The following TTC6 variants were observed in gnomAD, a reference collection of about 807,000 sequenced individuals.
The protein encoded by TTC6 is tetratricopeptide repeat protein 6.
A neutral mutation model predicts 210.4 loss-of-function variants in TTC6; 172 were observed. The observed-to-expected ratio is 0.82, with a 90% CI of 0.72 to 0.93. TTC6 has a LOEUF of 0.93. TTC6 is among the 40% of genes least tolerant of loss of function. The probability of loss-of-function intolerance (pLI) is 0.00; values close to 1 mark genes in which losing one functional copy is unlikely to be tolerated. For missense variants in TTC6, 2,414 were observed against 2,318.1 expected (o/e 1.04, Z -0.85); for synonymous variants, 804 against 819.6 (o/e 0.98, Z 0.32).
intron 17 of TTC6, among the ~76,000 whole-genome samples, chr14:37,793,340 T>C (rs2096084822): frequency 6.6e-6 from 1 of 152,196 alleles, no homozygotes; most frequent in African/African-American, 2.4e-5. Flanking sequence ...TAGGCTATAC[T>C]GAGGTAAAAA....
intron 23 of TTC6, among the ~76,000 whole-genome samples, chr14:37,808,382 TG>T (rs1459721015): frequency 6.6e-6 from 1 of 152,196 alleles, no homozygotes; most frequent in African/African-American, 2.4e-5. Context: ...AAGCAAGCAC[TG>T]GTGAATGTTT....
chr14:37,745,730 G>A (rs889049606), intron 10 of TTC6, among the ~76,000 whole-genome samples: 1 of 152,158 alleles, frequency 6.6e-6, no homozygotes, highest in Non-Finnish European at 1.5e-5. Flanking sequence ...TAAGGTCAGA[G>A]CCAGTATGTA....
At chr14:37,607,959 A>G (rs534075413) in intron 2 of TTC6, among the ~76,000 whole-genome samples, 2 of 152,298 alleles carry the variant, frequency 1.3e-5, no homozygotes, top group South Asian at 2.1e-4. Context: ...CTAACTTTGT[A>G]ATTTGATTGA....
At chr14:37,668,307 T>G (rs908308709) in intron 1 of TTC6, among the ~76,000 whole-genome samples, 1 of 150,594 alleles carries the variant, frequency 6.6e-6, no homozygotes, top group African/African-American at 2.4e-5. Context: ...TAACAAACTC[T>G]CAAAACTAAG....
At chr14:37,690,998 A>G (rs2095802559) in intron 3 of TTC6, among the ~76,000 whole-genome samples, 1 of 152,156 alleles carries the variant, frequency 6.6e-6, no homozygotes, top group South Asian at 2.1e-4. Context: ...AAACATTAAA[A>G]AAACCCCACC....
At chr14:37,713,587 A>C (rs2095848005) in intron 5 of TTC6, among the ~76,000 whole-genome samples, 1 of 152,198 alleles carries the variant, frequency 6.6e-6, no homozygotes, top group Non-Finnish European at 1.5e-5. Flanking sequence ...GCACATTAGA[A>C]GGAGGATGGA....
chr14:37,784,750 T>G (rs146938045), intron 14 of TTC6, among the ~76,000 whole-genome samples: 2,604 of 152,316 alleles, frequency 0.017, 71 homozygotes, highest in African/African-American at 0.054. Context: ...GTTTTTGCAG[T>G]GGCTGGTACT....
chr14:37,825,827 C>T (rs1819177409), intron 27 of TTC6, among the ~76,000 whole-genome samples: 1 of 151,958 alleles, frequency 6.6e-6, no homozygotes, highest in Non-Finnish European at 1.5e-5. Flanking sequence ...TCAGTGCGAA[C>T]CAAATAAATA....
At chr14:37,749,719 A>G (rs2139023736) in exon 12 of TTC6, 1 of 1,401,490 alleles carries the variant, frequency 7.1e-7, no homozygotes, top group Non-Finnish European at 9.2e-7. Context: ...TCTAGGTAAT[A>G]CTCTTGGAAC....
At chr14:37,840,183 A>AAAC in intron 29 of TTC6, among the ~76,000 whole-genome samples, 1 of 152,360 alleles carries the variant, frequency 6.6e-6, no homozygotes, top group East Asian at 1.9e-4. Flanking sequence ...ACAGAAATAC[A>AAAC]AACTACCATC....
intron 3 of TTC6, among the ~76,000 whole-genome samples, chr14:37,684,509 T>C (rs2095790298): frequency 6.6e-6 from 1 of 152,048 alleles, no homozygotes; most frequent in Non-Finnish European, 1.5e-5. Context: ...TTGATCAGAG[T>C]GACTTGGTGA....
chr14:37,832,191 CT>C (rs2096186911), intron 29 of TTC6, among the ~76,000 whole-genome samples: 1 of 151,494 alleles, frequency 6.6e-6, no homozygotes, highest in Non-Finnish European at 1.5e-5. Context: ...TTATTTGGGT[CT>C]TTTCTCTCAT....
intron 1 of TTC6, among the ~76,000 whole-genome samples, chr14:37,669,513 C>A (rs1481787371): frequency 6.6e-6 from 1 of 152,126 alleles, no homozygotes; most frequent in Admixed American, 6.6e-5. Context: ...ATATAATATT[C>A]CCCTTCCTTG....
chr14:37,734,837 T>C (rs1482330487), intron 7 of TTC6, among the ~76,000 whole-genome samples: 2 of 152,186 alleles, frequency 1.3e-5, no homozygotes, highest in African/African-American at 4.8e-5. Context: ...AAGCAACCAT[T>C]GATTGTTAAT....
intron 18 of TTC6, among the ~76,000 whole-genome samples, chr14:37,795,751 A>G (rs17107115): frequency 0.31 from 46,929 of 152,060 alleles, 7,624 homozygotes; most frequent in South Asian, 0.45. Flanking sequence ...AAGAAGTGAC[A>G]TACTGAATTG....
chr14:37,601,195 A>G (rs2095614965), intron 1 of TTC6, among the ~76,000 whole-genome samples: 1 of 152,168 alleles, frequency 6.6e-6, no homozygotes, highest in African/African-American at 2.4e-5. Flanking sequence ...CCTTTCACAA[A>G]CAACTGAGCC....
exon 30 of TTC6, chr14:37,841,549 A>T (rs1281850037): frequency 6.2e-7 from 1 of 1,606,164 alleles, no homozygotes; most frequent in Admixed American, 1.7e-5. Flanking sequence ...ATGAAGAAGC[A>T]AAAGAAGATT....
At chr14:37,739,214 T>G (rs1202783018) in intron 10 of TTC6, 59 bp downstream of exon 12, 1 of 1,377,690 alleles carries the variant, frequency 7.3e-7, no homozygotes, top group Non-Finnish European at 9.5e-7. Context: ...TGACCTTAAT[T>G]TTATAATCTC....
chr14:37,808,966 A>G (rs540860152), intron 24 of TTC6, 120 bp downstream of exon 26: 2 of 528,218 alleles, frequency 3.8e-6, no homozygotes, highest in Admixed American at 3.5e-5. Flanking sequence ...GCATTTGTAA[A>G]CTCATTTAAG....
Sources: allele counts gnomAD v4.1 joint callset (sites outside exome capture counted in the v4.1 genomes callset), GRCh38; gene constraint gnomAD v4.1.1; transcripts MANE v1.5; gene names NCBI Gene and HGNC (gene_info 2026-07-23, HGNC 2026-07-21).